Variants in HUNK observed in about 807,000 individuals in gnomAD.
The protein encoded by HUNK is hormonally up-regulated neu tumor-associated kinase.
Under a neutral mutation model 61.0 loss-of-function variants are expected in HUNK, and 21 were observed. The observed-to-expected ratio is 0.34, with a 90% CI of 0.24 to 0.50. The LOEUF (loss-of-function observed/expected upper bound fraction) is 0.50. HUNK is among the 20% of genes least tolerant of loss of function. The pLI is 0.98. For synonymous variants in HUNK, 371 were observed against 386.1 expected (o/e 0.96, Z 0.46); for missense variants, 772 against 945.7 (o/e 0.82, Z 2.41).
In HUNK at chr21:32,000,118, C is replaced by T. The variant is rs541929144; in HGVS notation, c.*934C>T. 2.3e-5 allele frequency: 9 copies of T among 398,412 alleles called. No individual in the cohort carries two copies. Among genetic ancestry groups the T allele is most frequent in the South Asian group, 1.3e-4 (1 of 7,718 alleles). 24.7% of individuals were successfully genotyped at this position (398,412 alleles called of 1,614,324 possible). Reference sequence around the variant, plus strand: ...TGATCCTTCTGGAAGGCATAGAACACGGTTACAGCTGGTTCTGTAGAAAGA... The same window carrying T: ...TGATCCTTCTGGAAGGCATAGAACATGGTTACAGCTGGTTCTGTAGAAAGA... On this transcript the variant is annotated 3_prime_UTR_variant, in exon 11 of 11. Transcript: ENST00000270112.
intron 4 of HUNK, among the ~76,000 whole-genome samples, chr21:31,947,525 T>C (rs1303997631): frequency 6.6e-6 from 1 of 152,246 alleles, no homozygotes; most frequent in African/African-American, 2.4e-5. Context: ...TTTCCTGTTT[T>C]AAATCCATTC....
At chr21:31,956,363 A>G (rs1259258347) in intron 4 of HUNK, among the ~76,000 whole-genome samples, 1 of 152,178 alleles carries the variant, frequency 6.6e-6, no homozygotes, top group African/African-American at 2.4e-5. Flanking sequence ...ACTTTGTGGG[A>G]TGTGCCAGAA....
intron 4 of HUNK, among the ~76,000 whole-genome samples, chr21:31,954,928 G>C (rs1020829110): frequency 6.6e-6 from 1 of 152,026 alleles, no homozygotes; most frequent in Non-Finnish European, 1.5e-5. Context: ...ACTTACAGGC[G>C]CATGCCACCA....
intron 7 of HUNK, among the ~76,000 whole-genome samples, chr21:31,979,807 G>T (rs769260694): frequency 3.3e-5 from 5 of 152,022 alleles, no homozygotes; most frequent in Non-Finnish European, 7.4e-5. Flanking sequence ...AAGCCACCAC[G>T]CCCAGCTGCA....
At chr21:31,896,555 A>G (rs2052426331) in intron 1 of HUNK, among the ~76,000 whole-genome samples, 2 of 152,166 alleles carry the variant, frequency 1.3e-5, no homozygotes. Context: ...GTCTCATTCC[A>G]TGTTGGGTCA....
At position 31,892,163 on chromosome 21, in the gene HUNK, ATAT is replaced by A. The variant is rs1426206000; in HGVS notation, c.261+18229_261+18231del. ...AGAATTTGGTTAAAAAAAAAAAAAA[ATAT>A]ATATATATATATATAGAGAGAGAGA... On this transcript the variant is annotated intron_variant, in intron 1 of 10. Coordinates refer to ENST00000270112, the MANE Select transcript of HUNK (RefSeq NM_014586.2). Among the ~76,000 whole-genome samples, 216 of 84,774 alleles carry A rather than the reference ATAT, an allele frequency of 2.5e-3. 3 individuals are homozygous for A. Among genetic ancestry groups the A allele is most frequent in the East Asian group, 0.015 (50 of 3,248 alleles). 55.6% of individuals were successfully genotyped at this position (84,774 alleles called of 152,430 possible).
At chr21:31,917,741 CA>C (rs1568924767) in intron 1 of HUNK, among the ~76,000 whole-genome samples, 14 of 145,718 alleles carry the variant, frequency 9.6e-5, no homozygotes, top group Non-Finnish European at 1.5e-4. Flanking sequence ...CACACACACA[CA>C]CACACACACA....
intron 1 of HUNK, among the ~76,000 whole-genome samples, chr21:31,902,338 C>T (rs1245625229): frequency 6.6e-6 from 1 of 152,138 alleles, no homozygotes; most frequent in Non-Finnish European, 1.5e-5. Context: ...TGGAGAAACC[C>T]CATCTCTACT....
intron 2 of HUNK, among the ~76,000 whole-genome samples, chr21:31,928,973 G>A (rs539153832): frequency 9.9e-4 from 151 of 152,242 alleles, no homozygotes; most frequent in Non-Finnish European, 1.9e-3. Flanking sequence ...TACATTGGAT[G>A]ATGCAAAAGG....
rs1184089522 is a variant in HUNK at position 31,924,166 on chromosome 21, T to C, written c.262-302T>C. 6.6e-6 allele frequency among the ~76,000 whole-genome samples: 1 copy of C among 152,206 alleles called. No individual in the cohort carries two copies. The highest frequency in any genetic ancestry group is 1.5e-5 in the Non-Finnish European group (1 of 68,040). ...AGAAAAATAAATTTGACATTAATCC[T>C]GCACTGTGCCTTCCAGACAGCCATT... On this transcript the variant is annotated intron_variant, in intron 1 of 10. Transcript: ENST00000270112. The surrounding 1 kb of genome is among the most constrained non-coding windows in gnomAD (Gnocchi z 5.1).
At position 31,990,170 on chromosome 21, in the gene HUNK, C is replaced by A. The variant is rs771367422; in HGVS notation, c.1299C>A (p.Ala433=). The A allele has an allele frequency of 6.2e-7, 1 of 1,613,560 alleles. No individual in the cohort carries two copies. The highest frequency in any genetic ancestry group is 8.5e-7 in the Non-Finnish European group (1 of 1,179,660). The change falls in exon 9 of 11, where the codon GCC becomes GCA. Residue 433 remains alanine, a synonymous_variant. Transcript: ENST00000270112. ...DTWTRDLEFH[A]VQDKKPKEQE... The stretch of plus-strand genomic sequence containing the variant: ...GGACACGAGATCTTGAATTCCATGC[C>A]GTGCAGGTAAGAACTTGGGGGATTA...
chr21:31,975,080 G>A (rs1451326027), intron 7 of HUNK, among the ~76,000 whole-genome samples: 2 of 151,798 alleles, frequency 1.3e-5, no homozygotes, highest in African/African-American at 4.8e-5. Context: ...CCTAAAACTC[G>A]GGTAGCAGTG....
At chr21:31,951,881 G>T (rs1340009651) in intron 4 of HUNK, among the ~76,000 whole-genome samples, 1 of 152,208 alleles carries the variant, frequency 6.6e-6, no homozygotes, top group Non-Finnish European at 1.5e-5. Flanking sequence ...TGTTTTCTCT[G>T]TGTTGAGACC....
intron 1 of HUNK, among the ~76,000 whole-genome samples, chr21:31,919,624 A>G (rs1220684707): frequency 6.6e-6 from 1 of 152,222 alleles, no homozygotes; most frequent in Non-Finnish European, 1.5e-5. Flanking sequence ...CTATTTTGAC[A>G]TAGCTCATGG....
chr21:31,874,412 G>A (rs2052243744), intron 1 of HUNK, among the ~76,000 whole-genome samples: 1 of 152,120 alleles, frequency 6.6e-6, no homozygotes, highest in Admixed American at 6.5e-5. Context: ...GCTCTCGGAG[G>A]AGGTGGGAGA....
Position 31,998,697 on chromosome 21 carries a change from C to G in HUNK, c.1658C>G (p.Pro553Arg). 6.2e-7 allele frequency: 1 copy of G among 1,614,130 alleles called. No individual in the cohort carries two copies. The highest frequency in any genetic ancestry group is 1.1e-5 in the South Asian group (1 of 91,078). Residue 553 changes from proline to arginine, a missense_variant, in exon 11 of 11, where the codon CCC becomes CGC. Physicochemically the swap from Pro to Arg is moderately radical, Grantham distance 103. Transcript: ENST00000270112. ...GSTGIPHKED[P>R]LMLDMVRSFE... The stretch of plus-strand genomic sequence containing the variant: ...ACTGGCATCCCCCACAAGGAAGACC[C>G]CCTGATGCTGGACATGGTGCGCTCC...
At chr21:31,927,440 A>G (rs2123818315) in intron 2 of HUNK, among the ~76,000 whole-genome samples, 1 of 152,122 alleles carries the variant, frequency 6.6e-6, no homozygotes, top group Middle Eastern at 3.4e-3. Context: ...TCAGGAGATC[A>G]AGACCATCCT....
At chr21:31,879,827 T>A (rs1322863030) in intron 1 of HUNK, among the ~76,000 whole-genome samples, 1 of 152,174 alleles carries the variant, frequency 6.6e-6, no homozygotes, top group Non-Finnish European at 1.5e-5. Context: ...TTGGGACATA[T>A]ATTCCCTCTG....
intron 1 of HUNK, among the ~76,000 whole-genome samples, chr21:31,898,725 G>A (rs1310978238): frequency 6.6e-6 from 1 of 152,108 alleles, no homozygotes; most frequent in African/African-American, 2.4e-5. Flanking sequence ...GGGCAGGAGT[G>A]GGGTCCAAGC....
Sources: allele counts gnomAD v4.1 joint callset (sites outside exome capture counted in the v4.1 genomes callset), GRCh38; gene constraint gnomAD v4.1.1; non-coding constraint Gnocchi (gnomAD v3.1); transcripts MANE v1.5; gene names NCBI Gene and HGNC (gene_info 2026-07-23, HGNC 2026-07-21).